Variants in TMC7 observed in about 807,000 individuals in gnomAD.
TMC7 encodes the protein transmembrane channel-like protein 7.
A neutral mutation model predicts 82.9 loss-of-function variants in TMC7; 54 were observed. The observed-to-expected ratio is 0.65, with a 90% CI of 0.52 to 0.82. TMC7 has a LOEUF of 0.82. Ranked by LOEUF, TMC7 falls within the 40% of genes least tolerant of loss-of-function variation. The pLI is 0.00. For missense variants in TMC7, 820 were observed against 901.2 expected, an observed-to-expected ratio of 0.91 and a Z score of 1.15; for synonymous variants, 350 against 337.9, an observed-to-expected ratio of 1.04 and a Z score of -0.39.
chr16:19,054,609 G>A (rs999726899), intron 13 of TMC7, among the ~76,000 whole-genome samples: 7 of 151,760 alleles, frequency 4.6e-5, no homozygotes, highest in African/African-American at 7.3e-5. Context: ...CAGCTATTCC[G>A]GAGGCTGAGG....
intron 1 of TMC7, among the ~76,000 whole-genome samples, chr16:19,000,068 C>G (rs1442401257): frequency 6.6e-6 from 1 of 152,086 alleles, no homozygotes; most frequent in Non-Finnish European, 1.5e-5. Context: ...CTGCGAGCCA[C>G]CACGCCGGGC....
chr16:19,045,141 C>G (rs887291995), intron 10 of TMC7, 140 bp downstream of exon 10: 1 of 866,786 alleles, frequency 1.2e-6, no homozygotes, highest in Non-Finnish European at 1.9e-6. Context: ...CAGAGTCTGG[C>G]CCCATGGAGT....
intron 2 of TMC7, among the ~76,000 whole-genome samples, chr16:19,014,847 G>A (rs1596744258): frequency 6.6e-6 from 1 of 152,148 alleles, no homozygotes. Flanking sequence ...AAATGAATTG[G>A]CATGGCTGTG....
chr16:19,012,887 G>A (rs1959452385), intron 2 of TMC7, among the ~76,000 whole-genome samples: 1 of 149,280 alleles, frequency 6.7e-6, no homozygotes, highest in South Asian at 2.1e-4. Flanking sequence ...CGGGATCTCG[G>A]CTCACTGCAA....
chr16:18,996,893 G>A (rs962848005), intron 1 of TMC7, among the ~76,000 whole-genome samples: 5 of 152,260 alleles, frequency 3.3e-5, no homozygotes, highest in Non-Finnish European at 7.3e-5. Flanking sequence ...AACATCAAGG[G>A]AAGGCTGTCT....
At chr16:18,987,899 C>A (rs1341822858) in intron 1 of TMC7, among the ~76,000 whole-genome samples, 2 of 152,142 alleles carry the variant, frequency 1.3e-5, no homozygotes, top group African/African-American at 4.8e-5. Flanking sequence ...TTGGACTGAC[C>A]TGACTGCCAG....
intron 1 of TMC7, among the ~76,000 whole-genome samples, chr16:18,997,312 G>A (rs1257385336): frequency 1.3e-5 from 2 of 152,256 alleles, no homozygotes; most frequent in Non-Finnish European, 2.9e-5. Flanking sequence ...CTGACCTCAA[G>A]TGATCAGCCT....
Position 19,016,576 on chromosome 16 carries a change from G to A in TMC7, c.438G>A (p.Arg146=). 1 of 1,613,898 alleles carries A rather than the reference G, an allele frequency of 6.2e-7. No homozygotes were observed. The highest frequency in any genetic ancestry group is 8.5e-7 in the Non-Finnish European group (1 of 1,180,002). ...TGACGACCCACCTGGAGCTGTGGCGGGAGGACATCCGCAGCATAGAAGGTA... is the reference window on the plus strand; with the variant it reads ...TGACGACCCACCTGGAGCTGTGGCGAGAGGACATCCGCAGCATAGAAGGTA... The part of the protein sequence containing the change: ...REMTTHLELW[R]EDIRSIEGKF... The change falls in exon 3 of 16, where the codon CGG becomes CGA. Residue 146 remains arginine (R), a synonymous_variant. Transcript: ENST00000304381.
chr16:19,008,058 A>G (rs1384302173), intron 1 of TMC7, among the ~76,000 whole-genome samples: 1 of 152,184 alleles, frequency 6.6e-6, no homozygotes, highest in African/African-American at 2.4e-5. Context: ...AAACTCAAGC[A>G]TTTGGCATTG....
At chr16:19,009,053 G>A (rs2039290067) in intron 1 of TMC7, 119 bp from the exon 2 acceptor site, 22 of 1,161,102 alleles carry the variant, frequency 1.9e-5, no homozygotes, top group African/African-American at 3.1e-5. Context: ...AAATGCTGTC[G>A]TCACTGACCC....
chr16:19,036,529 A>G (rs1178866076), intron 7 of TMC7, among the ~76,000 whole-genome samples: 1 of 146,582 alleles, frequency 6.8e-6, no homozygotes, highest in Non-Finnish European at 1.5e-5. Flanking sequence ...AAAAAGTACA[A>G]GAGAGTTTCC....
At chr16:18,990,659 T>C (rs977796623) in intron 1 of TMC7, among the ~76,000 whole-genome samples, 7 of 152,154 alleles carry the variant, frequency 4.6e-5, no homozygotes, top group Non-Finnish European at 7.4e-5. Context: ...TTGGTTCTTA[T>C]AGGTTTTGGT....
chr16:19,009,677 C>T (rs573045730), intron 2 of TMC7, among the ~76,000 whole-genome samples: 2 of 152,024 alleles, frequency 1.3e-5, no homozygotes, highest in East Asian at 1.9e-4. Flanking sequence ...CGGTGGCTCA[C>T]GCCTGTAATC....
At chr16:18,995,051 T>C (rs934740814) in intron 1 of TMC7, among the ~76,000 whole-genome samples, 3 of 152,104 alleles carry the variant, frequency 2.0e-5, no homozygotes, top group African/African-American at 7.2e-5. Context: ...CAATGAGGTG[T>C]GGCTGTAGCC....
intron 4 of TMC7, 146 bp downstream of exon 4, chr16:19,021,942 T>A: frequency 1.0e-6 from 1 of 959,332 alleles, no homozygotes; most frequent in Non-Finnish European, 1.5e-6. Flanking sequence ...CAGAAACAAG[T>A]GACCCCATAA....
chr16:19,013,480 G>T (rs1470019097), intron 2 of TMC7, among the ~76,000 whole-genome samples: 1 of 152,062 alleles, frequency 6.6e-6, no homozygotes, highest in Non-Finnish European at 1.5e-5. Context: ...GCCTCCCAAA[G>T]TCCTGGGATT....
chr16:19,046,611 G>T (rs1961282624), intron 11 of TMC7, among the ~76,000 whole-genome samples: 1 of 152,104 alleles, frequency 6.6e-6, no homozygotes, highest in Non-Finnish European at 1.5e-5. Flanking sequence ...AAGGTAGGAG[G>T]ATCACTTGAG....
intron 9 of TMC7, among the ~76,000 whole-genome samples, chr16:19,040,959 T>C (rs1596779663): frequency 6.6e-6 from 1 of 151,334 alleles, no homozygotes; most frequent in East Asian, 1.9e-4. Context: ...GATGTGATCA[T>C]AATTCACTGC....
intron 6 of TMC7, 125 bp from the exon 7 acceptor site, chr16:19,035,551 T>C: frequency 8.9e-7 from 1 of 1,118,074 alleles, no homozygotes; most frequent in Admixed American, 1.9e-5. Flanking sequence ...GCCCCAAACT[T>C]GACCATGTCA....
Sources: allele counts gnomAD v4.1 joint callset (sites outside exome capture counted in the v4.1 genomes callset), GRCh38; gene constraint gnomAD v4.1.1; transcripts MANE v1.5; gene names NCBI Gene and HGNC (gene_info 2026-07-23, HGNC 2026-07-21).